Variants in USH2A observed in about 807,000 individuals in gnomAD.
USH2A encodes the protein usherin.
Under a neutral mutation model 538.9 loss-of-function variants are expected in USH2A, and 443 were observed. That is an observed-to-expected ratio of 0.82 (90% CI 0.76 to 0.89). USH2A has a LOEUF of 0.89. Among genes scored for constraint, USH2A ranks in the 40% least tolerant of loss-of-function variants. The pLI, the probability that USH2A is intolerant of heterozygous loss-of-function variation, is 0.00. For synonymous variants in USH2A, 2,413 were observed against 2,273.5 expected (o/e 1.06, Z -1.75); for missense variants, 6,633 against 6,324.8 (o/e 1.05, Z -1.65).
At chr1:215,774,274 C>T (rs1316683530) in intron 55 of USH2A, among the ~76,000 whole-genome samples, 2 of 151,992 alleles carry the variant, frequency 1.3e-5, no homozygotes, top group African/African-American at 2.4e-5. Context: ...AAATTCTGGG[C>T]CATAGCTTAG....
chr1:215,675,689 T>C (rs1035319931), intron 62 of USH2A, 73 bp from the exon 63 acceptor site: 1 of 1,610,708 alleles, frequency 6.2e-7, no homozygotes, highest in African/African-American at 1.3e-5. Context: ...AGCCCCTTTT[T>C]AACCTTCACC....
chr1:216,231,392 T>C (rs1191258024), intron 14 of USH2A, among the ~76,000 whole-genome samples: 1 of 148,152 alleles, frequency 6.7e-6, no homozygotes, highest in Non-Finnish European at 1.5e-5. Flanking sequence ...TCTCAGCTTT[T>C]TGAGAGAAAA....
At chr1:215,881,332 G>T (rs552668428) in intron 41 of USH2A, among the ~76,000 whole-genome samples, 7 of 152,198 alleles carry the variant, frequency 4.6e-5, no homozygotes, top group Admixed American at 1.3e-4. Context: ...GTAGAGAGGG[G>T]TTCTGCCATG....
rs776465388 is a variant in USH2A at position 215,639,265 on chromosome 1, G to A, written c.14969-27C>T. The A allele has an allele frequency of 3.5e-5, 56 of 1,610,032 alleles. 1 individual carries two copies. The South Asian group carries it at 5.5e-4, about 16-fold the overall frequency. ...TAGACAAAAGGAAGAACTGGTAAAT[G>A]ACTTGTTCATTCAACACCTACAAAT... On this transcript the variant is annotated intron_variant, in intron 68 of 71. Coordinates refer to ENST00000307340, the MANE Select transcript of USH2A (RefSeq NM_206933.4).
In USH2A at chr1:215,867,020, C is replaced by T; in HGVS notation, c.8832G>A (p.Arg2944=). ...AAGCTTACTTACTTGGTTTAGCCCACCTCACGTCGATGGCTGTGTGGTTAA... is the reference window on the plus strand; with the variant it reads ...AAGCTTACTTACTTGGTTTAGCCCATCTCACGTCGATGGCTGTGTGGTTAA... ...SVLNHTAIDV[R]WAKPTVQDLQ... is the part of the protein sequence containing the mutation. The change falls in exon 44 of 72, where the codon AGG becomes AGA. Residue 2944 remains arginine, a synonymous_variant. Coordinates refer to ENST00000307340, the MANE Select transcript of USH2A (RefSeq NM_206933.4). 6.2e-7 allele frequency: 1 copy of T among 1,614,126 alleles called. No individual in the cohort carries two copies. The highest frequency in any genetic ancestry group is 8.5e-7 in the Non-Finnish European group (1 of 1,179,996).
chr1:215,702,302 G>T (rs1659051707), intron 61 of USH2A, among the ~76,000 whole-genome samples: 1 of 152,048 alleles, frequency 6.6e-6, no homozygotes, highest in Non-Finnish European at 1.5e-5. Context: ...GTGTCTTGGG[G>T]TTGCTCTTCT....
chr1:216,182,302 A>G (rs888207403), intron 20 of USH2A, among the ~76,000 whole-genome samples: 1 of 151,944 alleles, frequency 6.6e-6, no homozygotes, highest in Non-Finnish European at 1.5e-5. Context: ...GATTCAGTCA[A>G]TTTTTACATA....
chr1:215,989,163 T>C (rs922057855), intron 35 of USH2A, among the ~76,000 whole-genome samples: 2 of 152,250 alleles, frequency 1.3e-5, no homozygotes, highest in African/African-American at 2.4e-5. Flanking sequence ...TTAATTTTTC[T>C]CAACAAGTCT....
chr1:216,101,252 A>G (rs2032572142), intron 21 of USH2A, among the ~76,000 whole-genome samples: 1 of 152,272 alleles, frequency 6.6e-6, no homozygotes, highest in Non-Finnish European at 1.5e-5. Flanking sequence ...AAAAAAGAAT[A>G]CATTTAAATA....
chr1:216,045,420 T>C (rs2030468318), intron 32 of USH2A, among the ~76,000 whole-genome samples: 1 of 152,188 alleles, frequency 6.6e-6, no homozygotes, highest in Admixed American at 6.5e-5. Flanking sequence ...TGGGCAGATA[T>C]ACTATGTTTC....
chr1:215,709,540 A>T (rs766385386), intron 61 of USH2A, among the ~76,000 whole-genome samples: 1 of 151,824 alleles, frequency 6.6e-6, no homozygotes, highest in Non-Finnish European at 1.5e-5. Context: ...GATCTGATGA[A>T]TAAAGTTCTA....
chr1:216,107,225 T>C (rs2032755625), intron 21 of USH2A, among the ~76,000 whole-genome samples: 1 of 151,844 alleles, frequency 6.6e-6, no homozygotes, highest in Non-Finnish European at 1.5e-5. Flanking sequence ...ACTAAGAAAG[T>C]CATTTAAAAA....
At chr1:215,670,174 T>C (rs1019365297) in intron 64 of USH2A, among the ~76,000 whole-genome samples, 1 of 152,204 alleles carries the variant, frequency 6.6e-6, no homozygotes, top group African/African-American at 2.4e-5. Flanking sequence ...CACCTCCACC[T>C]TTTAAAATTC....
intron 64 of USH2A, among the ~76,000 whole-genome samples, chr1:215,668,806 T>C (rs563746887): frequency 4.6e-5 from 7 of 152,264 alleles, no homozygotes; most frequent in African/African-American, 1.7e-4. Context: ...CAAGGCAGGC[T>C]GATCACTTGA....
chr1:216,077,268 T>C (rs1177148762), intron 27 of USH2A, among the ~76,000 whole-genome samples: 1 of 152,144 alleles, frequency 6.6e-6, no homozygotes, highest in Non-Finnish European at 1.5e-5. Context: ...AGTTAACTTC[T>C]CACCTAAATT....
At chr1:216,014,944 A>G (rs1668670145) in intron 32 of USH2A, among the ~76,000 whole-genome samples, 1 of 152,204 alleles carries the variant, frequency 6.6e-6, no homozygotes, top group Non-Finnish European at 1.5e-5. Context: ...AAACTGAGGA[A>G]TTTATATCTT....
chr1:216,080,390 G>A (rs545376747), intron 26 of USH2A, among the ~76,000 whole-genome samples: 1 of 152,108 alleles, frequency 6.6e-6, no homozygotes, highest in African/African-American at 2.4e-5. Context: ...CAGAATGACA[G>A]AAAAAGGACA....
rs1377628376 is a variant in USH2A at position 215,623,846 on chromosome 1, C to CTT, written c.*1933_*1934dup. On this transcript the variant is annotated 3_prime_UTR_variant, in exon 72 of 72. Coordinates refer to ENST00000307340, the MANE Select transcript of USH2A (RefSeq NM_206933.4). ...TTTCAAAAATCAGGATAAACTCAAT[C>CTT]TTCTGAACCTAGCAAAGCATATTTG... The CTT allele has an allele frequency of 6.6e-6, 1 of 152,120 alleles. No individual in the cohort carries two copies. Among genetic ancestry groups the CTT allele is most frequent in the Non-Finnish European group, 1.5e-5 (1 of 68,014 alleles). 9.4% of individuals were successfully genotyped at this position (152,120 alleles called of 1,614,324 possible).
intron 47 of USH2A, among the ~76,000 whole-genome samples, chr1:215,819,617 A>G (rs943773692): frequency 1.3e-5 from 2 of 151,848 alleles, no homozygotes; most frequent in East Asian, 1.9e-4. Flanking sequence ...TGCATAATCA[A>G]CTACAGAAAA....
Sources: gnomAD v4.1 joint callset for allele counts (sites outside exome capture counted in the v4.1 genomes callset) on GRCh38, gnomAD v4.1.1 for gene constraint, MANE v1.5 for transcripts, NCBI Gene and HGNC (gene_info 2026-07-23, HGNC 2026-07-21) for gene names.